Variants in LYST observed in about 807,000 individuals in gnomAD.
LYST encodes lysosomal-trafficking regulator.
LYST carries 192 observed loss-of-function variants against 413.6 expected under a neutral mutation model. The ratio of observed to expected loss-of-function variants is 0.46; its 90% confidence interval spans 0.41 to 0.52. LYST has a LOEUF of 0.52. LYST is among the 20% of genes least tolerant of loss of function. The pLI is 0.00. For synonymous variants in LYST, 1,525 were observed against 1,567.3 expected (o/e 0.97, Z 0.64); for missense variants, 3,815 against 4,499.9 (o/e 0.85, Z 4.35).
chr1:235,839,822 G>GAAATA (rs1220305549), intron 1 of LYST: 194 of 150,460 alleles, frequency 1.3e-3, no homozygotes, highest in African/African-American at 4.2e-3. Context: ...AAAATAAAAT[G>GAAATA]AAATAAAATA....
chr1:235,812,603 A>C (rs1673578474), intron 4 of LYST, among the ~76,000 whole-genome samples: 2 of 152,144 alleles, frequency 1.3e-5, no homozygotes, highest in African/African-American at 2.4e-5. Flanking sequence ...TGGTAATAGA[A>C]AGCAGTCTTT....
chr1:235,779,206 A>T (rs1669617554), intron 16 of LYST, among the ~76,000 whole-genome samples: 1 of 152,206 alleles, frequency 6.6e-6, no homozygotes, highest in South Asian at 2.1e-4. Context: ...TCACAAGCTT[A>T]TAACTCCCAA....
intron 32 of LYST, 101 bp from the exon 33 acceptor site, chr1:235,734,007 G>A: frequency 3.3e-6 from 2 of 612,954 alleles, no homozygotes; most frequent in Admixed American, 3.2e-5. Context: ...AGTTAACAAA[G>A]GAAAAACAAT....
chr1:235,781,618 C>T (rs2103479198), intron 15 of LYST, among the ~76,000 whole-genome samples: 1 of 151,674 alleles, frequency 6.6e-6, no homozygotes, highest in East Asian at 1.9e-4. Context: ...TAAAAAAACG[C>T]TAAGTTAATA....
chr1:235,871,573 TAAC>T (rs988491475), upstream of LYST, among the ~76,000 whole-genome samples: 14 of 152,332 alleles, frequency 9.2e-5, no homozygotes, highest in African/African-American at 3.4e-4. Context: ...CATAGGAAAA[TAAC>T]AATACTAATA....
intron 10 of LYST, among the ~76,000 whole-genome samples, chr1:235,799,148 A>G (rs1236323442): frequency 6.6e-6 from 1 of 152,212 alleles, no homozygotes; most frequent in Non-Finnish European, 1.5e-5. Context: ...ATGAATGAGA[A>G]GAGAAAGCTT....
chr1:235,727,234 T>C (rs935295909), intron 38 of LYST, among the ~76,000 whole-genome samples: 1 of 151,654 alleles, frequency 6.6e-6, no homozygotes, highest in African/African-American at 2.4e-5. Flanking sequence ...GCGATTCGCC[T>C]GCCTCAGCCT....
In LYST at chr1:235,752,144, A is replaced by G. The variant is rs1294182256; in HGVS notation, c.7488T>C (p.Leu2496=). 3 of 1,611,550 alleles carry G rather than the reference A, an allele frequency of 1.9e-6. No individual in the cohort carries two copies. The highest frequency in any genetic ancestry group is 1.7e-6 in the Non-Finnish European group (2 of 1,178,166). The change falls in exon 27 of 53, where the codon CTT becomes CTC. Residue 2496 remains leucine (L), a synonymous_variant. Coordinates refer to ENST00000389793, the MANE Select transcript of LYST (RefSeq NM_000081.4). ...TGAAAAGTTGCTGTATATCACAAGC[A>G]AGCAATTTATATTCACTCATGGGAA... ...KNIPMSEYKL[L]ACDIQQLFIA...
chr1:235,709,065 C>A (rs747195191), intron 44 of LYST, 26 bp downstream of exon 44: 1 of 1,588,906 alleles, frequency 6.3e-7, no homozygotes, highest in African/African-American at 1.3e-5. Context: ...TATATAAATA[C>A]AGATTGTTTT....
At chr1:235,737,958 TG>T in intron 31 of LYST, 50 of 1,280,700 alleles carry the variant, frequency 3.9e-5, no homozygotes, top group South Asian at 3.0e-4. Flanking sequence ...CCGCCGGACG[TG>T]CATTCTCGAT....
chr1:235,693,324 T>C (rs777448945), intron 47 of LYST, 26 bp downstream of exon 47: 2 of 1,533,642 alleles, frequency 1.3e-6, no homozygotes, highest in Non-Finnish European at 1.8e-6. Context: ...TAAAAATAAA[T>C]AAATAAAATA....
Position 235,758,989 on chromosome 1 carries a change from T to G in LYST, c.6864A>C (p.Arg2288=), listed in dbSNP as rs1274332713. Residue 2288 remains arginine, a synonymous_variant, in exon 23 of 53, where the codon CGA becomes CGC. Coordinates refer to ENST00000389793, the MANE Select transcript of LYST (RefSeq NM_000081.4). The stretch of plus-strand genomic sequence containing the variant: ...ATAAGTACCTGTGAGCACTTGCAGT[T>G]CGGTTGTAATTTGGCTCATAACCAA... ...YSLGYEPNYN[R]TASAHSVTED... 1.2e-6 allele frequency: 2 copies of G among 1,613,862 alleles called. No individual in the cohort carries two copies. Among genetic ancestry groups the G allele is most frequent in the Middle Eastern group, 1.6e-4 (1 of 6,082 alleles).
At chr1:235,694,139 A>G (rs1431467339) in intron 46 of LYST, among the ~76,000 whole-genome samples, 1 of 151,228 alleles carries the variant, frequency 6.6e-6, no homozygotes, top group Non-Finnish European at 1.5e-5. Flanking sequence ...CCTCCCCAGC[A>G]GCTGGGACTA....
At chr1:235,862,387 T>C (rs1169793739) in intron 1 of LYST, among the ~76,000 whole-genome samples, 1 of 152,234 alleles carries the variant, frequency 6.6e-6, no homozygotes, top group African/African-American at 2.4e-5. Flanking sequence ...AAATAATTCA[T>C]AATTTCAAAT....
At chr1:235,708,494 C>T (rs1181087794) in intron 44 of LYST, among the ~76,000 whole-genome samples, 1 of 152,194 alleles carries the variant, frequency 6.6e-6, no homozygotes, top group Non-Finnish European at 1.5e-5. Context: ...CATTCCCTAA[C>T]TGATAAGAGT....
intron 47 of LYST, among the ~76,000 whole-genome samples, chr1:235,691,179 A>G (rs1180614311): frequency 6.6e-6 from 1 of 152,064 alleles, no homozygotes; most frequent in African/African-American, 2.4e-5. Context: ...CGGCCTCCCA[A>G]AGCGCTGGGA....
In LYST at chr1:235,732,642, T is replaced by C. The variant is rs980610136; in HGVS notation, c.8801+861A>G. Among the ~76,000 whole-genome samples, 9 of 152,312 alleles carry C rather than the reference T, an allele frequency of 5.9e-5. No individual in the cohort carries two copies. In the East Asian group the frequency reaches 1.2e-3, roughly 20 times the overall value. ...CGGTGAATATTAGCAGCCAAAATTT[T>C]TGTTAACATAAAAAGTAAAATGTGG... On this transcript the variant is annotated intron_variant, in intron 34 of 52. Transcript: ENST00000389793.
intron 48 of LYST, among the ~76,000 whole-genome samples, chr1:235,678,251 G>A (rs1297531804): frequency 6.6e-6 from 1 of 152,106 alleles, no homozygotes; most frequent in Non-Finnish European, 1.5e-5. Flanking sequence ...TCAGGAGGTC[G>A]AGACCAGCCT....
chr1:235,742,782 A>G (rs1572123088), intron 30 of LYST, among the ~76,000 whole-genome samples: 2 of 152,286 alleles, frequency 1.3e-5, no homozygotes, highest in Non-Finnish European at 1.5e-5. Context: ...ATTATTGAGT[A>G]TAATAGTCAC....
Sources: allele counts gnomAD v4.1 joint callset (sites outside exome capture counted in the v4.1 genomes callset), GRCh38; gene constraint gnomAD v4.1.1; transcripts MANE v1.5; gene names NCBI Gene and HGNC (gene_info 2026-07-23, HGNC 2026-07-21).